TET3: variants seen among roughly 807,000 people sequenced by gnomAD.
TET3 encodes the protein tet methylcytosine dioxygenase 3, also known as methylcytosine dioxygenase TET3.
TET3 carries 19 observed loss-of-function variants against 141.4 expected under a neutral mutation model. That is an observed-to-expected ratio of 0.13 (90% confidence interval 0.09 to 0.20). The LOEUF (loss-of-function observed/expected upper bound fraction) is 0.20, where lower values mean the gene tolerates loss of function less well. TET3 is among the 10% of genes least tolerant of loss of function. TET3 has a pLI of 1.00. For synonymous variants in TET3, 1,043 were observed against 980.9 expected, an observed-to-expected ratio of 1.06 and a Z score of -1.18; for missense variants, 1,874 against 2,356.9, an observed-to-expected ratio of 0.80 and a Z score of 4.24.
At chr2:74,012,290 C>G (rs567507975) in intron 3 of TET3, among the ~76,000 whole-genome samples, 1 of 152,184 alleles carries the variant, frequency 6.6e-6, no homozygotes, top group African/African-American at 2.4e-5. Context: ...CATTGTTAAC[C>G]GGAGTATCCC....
the TET3 span, among the ~76,000 whole-genome samples, chr2:74,125,442 T>C: frequency 2.6e-4 from 40 of 152,348 alleles, no homozygotes; most frequent in Admixed American, 8.5e-4. Flanking sequence ...GAGTTTTCCT[T>C]GGCTAGTTTT....
intron 3 of TET3, among the ~76,000 whole-genome samples, chr2:74,040,846 G>A (rs758604405): frequency 2.0e-5 from 3 of 152,096 alleles, no homozygotes; most frequent in East Asian, 1.9e-4. Context: ...ATTAAGCCAC[G>A]ATCGCGCAAC....
intron 3 of TET3, among the ~76,000 whole-genome samples, chr2:74,011,471 C>G (rs1685431729): frequency 6.6e-6 from 1 of 152,188 alleles, no homozygotes. Flanking sequence ...TTCAGCTTGG[C>G]CTCCACTGGA....
chr2:73,992,932 A>G (rs1389123555), intron 2 of TET3, among the ~76,000 whole-genome samples: 1 of 152,226 alleles, frequency 6.6e-6, no homozygotes, highest in Admixed American at 6.5e-5. Context: ...TTCTGTAAAT[A>G]AATGATGGCA....
Position 74,093,776 on chromosome 2 carries a change from A to T in TET3, c.3267+110A>T. The T allele has an allele frequency of 7.4e-7, 1 of 1,348,066 alleles. No homozygotes were observed. Among genetic ancestry groups the T allele is most frequent in the Non-Finnish European group, 9.7e-7 (1 of 1,028,198 alleles). The allele number at this position is 1,348,066 out of a possible 1,614,324, so 83.5% of individuals were successfully genotyped here. On this transcript the variant is annotated intron_variant, in intron 10 of 11. Transcript: ENST00000409262. This position sits in a 1 kb window ranked among gnomAD's most constrained non-coding sequence, Gnocchi z 4.2. ...GGGTAGGGAGGGACCTGGAGACAGG[A>T]TCCTCAGAACTCTGGAAGGTTCCCT...
chr2:74,108,880 G>A (rs1691637330), downstream of TET3, among the ~76,000 whole-genome samples: 1 of 152,090 alleles, frequency 6.6e-6, no homozygotes, highest in Non-Finnish European at 1.5e-5. Context: ...ACTCTAGGTG[G>A]GAAAGTTCAT....
chr2:74,119,619 CTT>C, the TET3 span, among the ~76,000 whole-genome samples: 1 of 152,144 alleles, frequency 6.6e-6, no homozygotes, highest in East Asian at 1.9e-4. Flanking sequence ...AAAATTTCCC[CTT>C]TATAATTAAT....
intron 8 of TET3, among the ~76,000 whole-genome samples, chr2:74,091,701 T>G (rs958256126): frequency 1.3e-5 from 2 of 152,256 alleles, no homozygotes; most frequent in Non-Finnish European, 1.5e-5. Context: ...TCATTCTGTG[T>G]GCTTGGTTCT....
chr2:73,988,255 T>C (rs1684146007), intron 2 of TET3, among the ~76,000 whole-genome samples: 1 of 152,052 alleles, frequency 6.6e-6, no homozygotes, highest in Non-Finnish European at 1.5e-5. Flanking sequence ...GGTGCTTTGG[T>C]GTAGGGAGGA....
chr2:74,090,429 C>T (rs1690418592), intron 8 of TET3, among the ~76,000 whole-genome samples: 1 of 152,150 alleles, frequency 6.6e-6, no homozygotes. Context: ...GGCGGTCTCC[C>T]GCATGTGGGC....
intron 3 of TET3, among the ~76,000 whole-genome samples, chr2:74,040,397 T>A (rs1294107773): frequency 6.6e-6 from 1 of 152,148 alleles, no homozygotes; most frequent in Non-Finnish European, 1.5e-5. Context: ...GAGAGACAGT[T>A]CACATTTAGA....
At chr2:74,124,826 C>T in the TET3 span, among the ~76,000 whole-genome samples, 1 of 151,910 alleles carries the variant, frequency 6.6e-6, no homozygotes, top group Admixed American at 6.6e-5. Context: ...AAACCAGAGA[C>T]CCTTGTTCAC....
chr2:74,042,562 G>A (rs1687394581), intron 3 of TET3, among the ~76,000 whole-genome samples: 1 of 152,192 alleles, frequency 6.6e-6, no homozygotes. Context: ...TTGGCCCGAA[G>A]CTCTCACCTT....
downstream of TET3, among the ~76,000 whole-genome samples, chr2:74,108,653 T>TGGAGCTACCTTCTTTAATTCAA (rs1553439034): frequency 2.6e-5 from 4 of 152,346 alleles, no homozygotes; most frequent in Admixed American, 2.6e-4. Flanking sequence ...ATCCCATGCC[T>TGGAGCTACCTTCTTTAATTCAA]GGAGCTACCT....
In TET3 at chr2:74,047,423, C is replaced by A. The variant is rs374554575; in HGVS notation, c.1506C>A (p.Ala502=). The change falls in exon 4 of 12, where the codon GCC becomes GCA. Residue 502 remains alanine, a synonymous_variant. Transcript: ENST00000409262. ...VEAPSSSPAP[A]PSPVLQREAP... ...CACCCTCTTCCTCCCCGGCCCCGGC[C>A]CCATCCCCTGTACTTCAGAGGGAGG... The A allele has an allele frequency of 2.4e-5, 38 of 1,612,848 alleles. No individual in the cohort carries two copies. In the South Asian group the frequency reaches 4.1e-4, roughly 17 times the overall value.
intron 4 of TET3, among the ~76,000 whole-genome samples, chr2:74,060,952 CTT>C (rs909340823): frequency 3.9e-5 from 6 of 152,200 alleles, no homozygotes; most frequent in African/African-American, 1.4e-4. Context: ...ATTTCTCAAT[CTT>C]TTCCCCACCT....
chr2:74,083,400 A>C (rs1689943572), intron 6 of TET3, among the ~76,000 whole-genome samples: 1 of 152,210 alleles, frequency 6.6e-6, no homozygotes, highest in Non-Finnish European at 1.5e-5. Flanking sequence ...ACAGTAAAAC[A>C]GACTTAGGAA....
chr2:74,117,881 G>C, the TET3 span, among the ~76,000 whole-genome samples: 8 of 152,256 alleles, frequency 5.3e-5, no homozygotes, highest in African/African-American at 1.9e-4. Flanking sequence ...GAGTAGCTGG[G>C]ATTACAGGCA....
intron 3 of TET3, among the ~76,000 whole-genome samples, chr2:74,026,769 A>G (rs1686389490): frequency 6.9e-6 from 1 of 145,470 alleles, no homozygotes; most frequent in Admixed American, 6.9e-5. Context: ...ACCAAGTTCC[A>G]TTTCCTGTTT....
Sources: allele counts gnomAD v4.1 joint callset (sites outside exome capture counted in the v4.1 genomes callset), GRCh38; gene constraint gnomAD v4.1.1; non-coding constraint Gnocchi (gnomAD v3.1); transcripts MANE v1.5; gene names NCBI Gene and HGNC (gene_info 2026-07-23, HGNC 2026-07-21).